Variants in WIPI1 observed in about 807,000 individuals in gnomAD.
The protein encoded by WIPI1 is WD repeat domain, phosphoinositide interacting 1, also known as WD repeat domain phosphoinositide-interacting protein 1.
Under a neutral mutation model 55.3 loss-of-function variants are expected in WIPI1, and 45 were observed. The ratio of observed to expected loss-of-function variants is 0.81; its 90% CI spans 0.64 to 1.04. The LOEUF (loss-of-function observed/expected upper bound fraction) is 1.04. WIPI1 is among the 50% of genes least tolerant of loss of function. WIPI1 has a pLI of 0.00. For synonymous variants in WIPI1, 195 were observed against 217.6 expected (o/e 0.90, Z 0.92); for missense variants, 445 against 559.0 (o/e 0.80, Z 2.06).
At chr17:68,449,620 C>T (rs913278757) in intron 3 of WIPI1, among the ~76,000 whole-genome samples, 2 of 152,178 alleles carry the variant, frequency 1.3e-5, no homozygotes, top group Non-Finnish European at 1.5e-5. Context: ...TAGTACCCCC[C>T]ACCCGTCTCT....
At chr17:68,439,458 A>C (rs545506345) in intron 4 of WIPI1, among the ~76,000 whole-genome samples, 1 of 152,222 alleles carries the variant, frequency 6.6e-6, no homozygotes, top group Admixed American at 6.5e-5. Context: ...CAGAAAGTAG[A>C]TTAGGGGTTG....
intron 7 of WIPI1, among the ~76,000 whole-genome samples, 199 bp from the exon 8 acceptor site, chr17:68,433,774 T>TG (rs2083639186): frequency 1.6e-3 from 55 of 35,226 alleles, no homozygotes; most frequent in African/African-American, 3.9e-3. Context: ...TTTTTTTTTT[T>TG]TTTTTTTTTT....
At chr17:68,432,784 G>A (rs932613174) in intron 8 of WIPI1, among the ~76,000 whole-genome samples, 5 of 152,056 alleles carry the variant, frequency 3.3e-5, no homozygotes, top group Non-Finnish European at 5.9e-5. Context: ...TTTTCAAAGC[G>A]CTCTTTCTCT....
intron 12 of WIPI1, among the ~76,000 whole-genome samples, chr17:68,425,220 T>C (rs1042902505): frequency 3.9e-5 from 6 of 152,166 alleles, no homozygotes; most frequent in African/African-American, 1.4e-4. Context: ...TCTTTTCTTT[T>C]TGAGATAGAG....
intron 11 of WIPI1, 72 bp from the exon 12 acceptor site, chr17:68,426,247 A>AGGGGGGGGGGGGGGG: frequency 3.0e-6 from 2 of 655,812 alleles, no homozygotes; most frequent in African/African-American, 2.1e-5. Context: ...GCGGGTGGGG[A>AGGGGGGGGGGGGGGG]GCGGGGGCTC....
intron 1 of WIPI1, among the ~76,000 whole-genome samples, chr17:68,456,766 C>T (rs1825938290): frequency 6.6e-6 from 1 of 152,166 alleles, no homozygotes; most frequent in African/African-American, 2.4e-5. Context: ...TTCTTCCATC[C>T]AGAGCGGGCA....
At position 68,427,305 on chromosome 17, in the gene WIPI1, C is replaced by A. The variant is rs979339034; in HGVS notation, c.1074-52G>T. ...AAAGAAAAAAGAAATCATCATATAT[C>A]TAGGACACCTTCCAAAGGAAAAGCA... On this transcript the variant is annotated intron_variant, in intron 10 of 12. Coordinates refer to ENST00000262139, the MANE Select transcript of WIPI1 (RefSeq NM_017983.7). The A allele has an allele frequency of 3.7e-6, 5 of 1,342,272 alleles. No homozygotes were observed. The African/African-American group carries it at 5.8e-5, about 16-fold the overall frequency. The allele number at this position is 1,342,272 out of a possible 1,614,324, so 83.1% of individuals were successfully genotyped here.
At chr17:68,425,192 A>G (rs1047510743) in intron 12 of WIPI1, among the ~76,000 whole-genome samples, 12 of 152,272 alleles carry the variant, frequency 7.9e-5, no homozygotes, top group African/African-American at 2.9e-4. Flanking sequence ...TGCCCTCCAC[A>G]GAGCACACAA....
At chr17:68,454,886 CAG>C (rs1485126845) in intron 1 of WIPI1, among the ~76,000 whole-genome samples, 1 of 149,306 alleles carries the variant, frequency 6.7e-6, no homozygotes, top group Non-Finnish European at 1.5e-5. Flanking sequence ...GAGAAAATCA[CAG>C]AGTGATGTTT....
chr17:68,422,032 T>C (rs1600225715), intron 12 of WIPI1: 2 of 596,020 alleles, frequency 3.4e-6, no homozygotes, highest in Non-Finnish European at 6.0e-6. Context: ...ATACTGACTA[T>C]AAAAATGTCT....
chr17:68,441,744 C>T (rs999647247), intron 4 of WIPI1, among the ~76,000 whole-genome samples: 9 of 152,164 alleles, frequency 5.9e-5, no homozygotes, highest in Non-Finnish European at 1.3e-4. Flanking sequence ...CTCTCCGTGG[C>T]AACTCTGGGG....
intron 8 of WIPI1, 117 bp downstream of exon 8, chr17:68,433,351 C>G (rs1349432701): frequency 3.0e-6 from 3 of 999,906 alleles, no homozygotes; most frequent in African/African-American, 3.2e-5. Context: ...TAGGTGAAGT[C>G]CCAAGTGAAG....
At chr17:68,427,304 T>G in intron 10 of WIPI1, 51 bp from the exon 11 acceptor site, 2 of 1,360,644 alleles carry the variant, frequency 1.5e-6, no homozygotes, top group Non-Finnish European at 2.1e-6. Context: ...TCATCATATA[T>G]CTAGGACACC....
intron 12 of WIPI1, among the ~76,000 whole-genome samples, chr17:68,425,564 G>A (rs1262862799): frequency 6.6e-6 from 1 of 151,968 alleles, no homozygotes; most frequent in Non-Finnish European, 1.5e-5. Context: ...GGAGGTGCGG[G>A]TCTGCCGGCC....
At chr17:68,430,602 C>A (rs558647220) in intron 8 of WIPI1, among the ~76,000 whole-genome samples, 3 of 152,260 alleles carry the variant, frequency 2.0e-5, no homozygotes, top group African/African-American at 7.2e-5. Context: ...GGTAGCAAAC[C>A]TCCGGGCAAG....
At chr17:68,443,512 C>T (rs1352682745) in intron 4 of WIPI1, among the ~76,000 whole-genome samples, 1 of 152,188 alleles carries the variant, frequency 6.6e-6, no homozygotes, top group Non-Finnish European at 1.5e-5. Context: ...GAAGAGAAGG[C>T]ATCAGAAGTA....
chr17:68,433,407 G>A (rs1284454359), intron 8 of WIPI1, 61 bp downstream of exon 8: 13 of 1,424,974 alleles, frequency 9.1e-6, no homozygotes, highest in Non-Finnish European at 1.3e-5. Context: ...CATGCCAGTA[G>A]AAGAGCCTAG....
chr17:68,454,332 G>A (rs1402842313), intron 1 of WIPI1, among the ~76,000 whole-genome samples: 1 of 152,144 alleles, frequency 6.6e-6, no homozygotes, highest in Non-Finnish European at 1.5e-5. Context: ...ACTAAAATAA[G>A]CAACTTACTA....
chr17:68,436,623 A>T (rs904769568), intron 4 of WIPI1, 144 bp from the exon 5 acceptor site: 1 of 685,380 alleles, frequency 1.5e-6, no homozygotes, highest in Admixed American at 2.9e-5. Context: ...CTTTCCGCTG[A>T]TGATTCTTCT....
Sources: allele counts gnomAD v4.1 joint callset (sites outside exome capture counted in the v4.1 genomes callset), GRCh38; gene constraint gnomAD v4.1.1; transcripts MANE v1.5; gene names NCBI Gene and HGNC (gene_info 2026-07-23, HGNC 2026-07-21).